Variants in RALGPS2 observed in about 807,000 individuals in gnomAD.
The protein encoded by RALGPS2 is Ral GEF with PH domain and SH3 binding motif 2.
Under a neutral mutation model 86.8 loss-of-function variants are expected in RALGPS2, and 43 were observed. The observed-to-expected ratio is 0.50, with a 90% CI of 0.39 to 0.64. The LOEUF (loss-of-function observed/expected upper bound fraction) is 0.64. Among genes scored for constraint, RALGPS2 ranks in the 30% least tolerant of loss-of-function variants. The pLI, the probability that RALGPS2 is intolerant of heterozygous loss-of-function variation, is 0.00. For missense variants in RALGPS2, 536 were observed against 694.6 expected (o/e 0.77, Z 2.57); for synonymous variants, 243 against 231.3 (o/e 1.05, Z -0.46).
chr1:178,835,076 C>T (rs1337339144), intron 8 of RALGPS2, among the ~76,000 whole-genome samples: 2 of 152,232 alleles, frequency 1.3e-5, no homozygotes. Flanking sequence ...TCACACCCAG[C>T]GTGGTGCTCT....
At position 178,873,863 on chromosome 1, in the gene RALGPS2, A is replaced by G. The variant is rs947998141; in HGVS notation, c.608-3635A>G. On this transcript the variant is annotated intron_variant, in intron 8 of 19. Transcript: ENST00000367635. Reference sequence around the variant, plus strand: ...TTTAAATTTTATTTAATAAATGCTTATAAATCACTTGGTATGTACTAGACA... The same window carrying G: ...TTTAAATTTTATTTAATAAATGCTTGTAAATCACTTGGTATGTACTAGACA... Among the ~76,000 whole-genome samples the G allele has an allele frequency of 5.3e-5, 8 of 152,182 alleles. No homozygotes were observed. In the South Asian group the frequency reaches 1.2e-3, roughly 24 times the overall value.
chr1:178,891,918 T>G (rs1026244033), intron 14 of RALGPS2, among the ~76,000 whole-genome samples: 5 of 45,292 alleles, frequency 1.1e-4, no homozygotes, highest in African/African-American at 4.2e-4. Flanking sequence ...TTTTTGAGGT[T>G]TTTTTTTTAT....
chr1:178,913,348 A>C (rs1381670626), intron 19 of RALGPS2, among the ~76,000 whole-genome samples: 1 of 151,646 alleles, frequency 6.6e-6, no homozygotes, highest in Non-Finnish European at 1.5e-5. Context: ...CCAGAGGTTC[A>C]GTTTGGTTCT....
At chr1:178,828,538 C>G (rs1655861656) in intron 7 of RALGPS2, among the ~76,000 whole-genome samples, 1 of 152,166 alleles carries the variant, frequency 6.6e-6, no homozygotes, top group African/African-American at 2.4e-5. Flanking sequence ...TGTCGTTTTG[C>G]AGCACATGAC....
intron 1 of RALGPS2, among the ~76,000 whole-genome samples, chr1:178,728,286 T>A (rs1650140672): frequency 6.6e-6 from 1 of 152,190 alleles, no homozygotes; most frequent in African/African-American, 2.4e-5. Context: ...ATCTGCTTTT[T>A]CAGAAATTTT....
intron 8 of RALGPS2, among the ~76,000 whole-genome samples, chr1:178,835,365 G>A (rs1056026393): frequency 2.6e-5 from 4 of 151,646 alleles, no homozygotes; most frequent in African/African-American, 9.7e-5. Flanking sequence ...AGGCTGGATG[G>A]GAGCATTGTG....
At chr1:178,755,574 T>G (rs1160680555) in intron 1 of RALGPS2, among the ~76,000 whole-genome samples, 1 of 152,234 alleles carries the variant, frequency 6.6e-6, no homozygotes, top group Non-Finnish European at 1.5e-5. Context: ...CACATTTTCT[T>G]TATCCAGTCC....
intron 8 of RALGPS2, among the ~76,000 whole-genome samples, chr1:178,861,742 C>T (rs1330506934): frequency 1.3e-5 from 2 of 152,084 alleles, no homozygotes; most frequent in East Asian, 3.8e-4. Flanking sequence ...TATATAAAAG[C>T]TTACATAAAA....
chr1:178,755,660 G>A (rs1446245465), intron 1 of RALGPS2, among the ~76,000 whole-genome samples: 2 of 152,110 alleles, frequency 1.3e-5, no homozygotes, highest in South Asian at 2.1e-4. Context: ...ATATGAGTGC[G>A]TGTGTCTTTT....
Position 178,814,154 on chromosome 1 carries a change from T to C in RALGPS2, c.387+2750T>C, listed in dbSNP as rs886454987. Reference sequence around the variant, plus strand: ...TCTGAATCATATGTTGCTGCAAATATATGCTTTTGGATTTTGTTTAAATTG... The same window carrying C: ...TCTGAATCATATGTTGCTGCAAATACATGCTTTTGGATTTTGTTTAAATTG... On this transcript the variant is annotated intron_variant, in intron 6 of 19. Transcript: ENST00000367635. Among the ~76,000 whole-genome samples, 3 of 152,248 alleles carry C rather than the reference T, an allele frequency of 2.0e-5. 1 individual carries two copies. The highest frequency in any genetic ancestry group is 2.0e-4 in the Admixed American group (3 of 15,284).
intron 4 of RALGPS2, among the ~76,000 whole-genome samples, chr1:178,802,535 A>G (rs970987188): frequency 6.6e-6 from 1 of 152,174 alleles, no homozygotes; most frequent in Non-Finnish European, 1.5e-5. Flanking sequence ...AATACAATTT[A>G]CTGGAGATAG....
chr1:178,737,964 A>G (rs1359251476), intron 1 of RALGPS2, among the ~76,000 whole-genome samples: 1 of 151,678 alleles, frequency 6.6e-6, no homozygotes, highest in Admixed American at 6.6e-5. Context: ...TTTTTTGTAG[A>G]GACATAGTCT....
At chr1:178,884,936 G>C (rs922725092) in intron 11 of RALGPS2, 140 bp from the exon 12 acceptor site, 28 of 782,728 alleles carry the variant, frequency 3.6e-5, no homozygotes, top group Non-Finnish European at 5.1e-5. Flanking sequence ...TTAGGACTTA[G>C]ATATATTTCT....
intron 8 of RALGPS2, among the ~76,000 whole-genome samples, chr1:178,872,149 A>G (rs1343533681): frequency 2.0e-5 from 3 of 152,172 alleles, no homozygotes; most frequent in African/African-American, 7.2e-5. Flanking sequence ...CTTTCTCTAC[A>G]TACCTGTGCT....
At chr1:178,866,806 C>G (rs948103173) in intron 8 of RALGPS2, among the ~76,000 whole-genome samples, 15 of 152,128 alleles carry the variant, frequency 9.9e-5, no homozygotes, top group African/African-American at 3.1e-4. Context: ...AAAATATGTG[C>G]TTAGAATGTT....
chr1:178,784,404 T>A lies in RALGPS2; in HGVS notation c.58-14T>A, dbSNP rs1445880298. On this transcript the variant is annotated splice_polypyrimidine_tract_variant and intron_variant, in intron 2 of 19. Coordinates refer to ENST00000367635, the MANE Select transcript of RALGPS2 (RefSeq NM_152663.5). ...ACAGTATGTAAAAGGCTGCATTTTC[T>A]TTCACTTTAACAGAAAAGTAGCAGC... is the stretch of plus-strand genomic sequence containing the variant. The A allele has an allele frequency of 6.3e-6, 10 of 1,586,500 alleles. No individual in the cohort carries two copies. Among genetic ancestry groups the A allele is most frequent in the African/African-American group, 1.3e-5 (1 of 74,364 alleles).
intron 4 of RALGPS2, among the ~76,000 whole-genome samples, chr1:178,805,684 G>A (rs1229266804): frequency 1.3e-5 from 2 of 152,008 alleles, no homozygotes; most frequent in Admixed American, 1.3e-4. Flanking sequence ...AGTATGATAT[G>A]TTAACTCTTT....
rs568859675 is a variant in RALGPS2, at chr1:178,889,701, G to A, written c.1247+5G>A. 1.3e-6 allele frequency: 2 copies of A among 1,598,892 alleles called. No individual in the cohort carries two copies. The highest frequency in any genetic ancestry group is 1.7e-4 in the Middle Eastern group (1 of 6,018). ...CTCATGGCCTGCTTTTGAAAGGTAA[G>A]ATAAATTGTCCATTTGAACTACTTG... On this transcript the variant is annotated splice_donor_5th_base_variant and intron_variant, in intron 14 of 19. Coordinates refer to ENST00000367635, the MANE Select transcript of RALGPS2 (RefSeq NM_152663.5).
At chr1:178,843,654 TAA>T (rs564673535) in intron 8 of RALGPS2, among the ~76,000 whole-genome samples, 6 of 115,346 alleles carry the variant, frequency 5.2e-5, no homozygotes, top group Non-Finnish European at 9.5e-5. Context: ...AAAGTATAAT[TAA>T]AAAAAAAAAA....
Sources: gnomAD v4.1 joint callset for allele counts (sites outside exome capture counted in the v4.1 genomes callset) on GRCh38, gnomAD v4.1.1 for gene constraint, MANE v1.5 for transcripts, NCBI Gene and HGNC (gene_info 2026-07-23, HGNC 2026-07-21) for gene names.